LRRC4C: variants seen among roughly 807,000 people sequenced by gnomAD.
LRRC4C encodes the protein leucine rich repeat containing 4C.
LRRC4C carries 5 observed loss-of-function variants against 33.6 expected under a neutral mutation model. The ratio of observed to expected loss-of-function variants is 0.15; its 90% CI spans 0.08 to 0.31. The LOEUF (loss-of-function observed/expected upper bound fraction) is 0.31, where lower values mean the gene tolerates loss of function less well. Ranked by LOEUF, LRRC4C falls within the 10% of genes least tolerant of loss-of-function variation. LRRC4C has a pLI of 1.00. For missense variants in LRRC4C, 560 were observed against 796.7 expected, an observed-to-expected ratio of 0.70 and a Z score of 3.58; for synonymous variants, 329 against 302.0, an observed-to-expected ratio of 1.09 and a Z score of -0.93.
At chr11:40,355,413 G>A (rs1314680483) in intron 3 of LRRC4C, among the ~76,000 whole-genome samples, 1 of 152,118 alleles carries the variant, frequency 6.6e-6, no homozygotes, top group African/African-American at 2.4e-5. Flanking sequence ...TATAACCCTT[G>A]TAGCCTAAAC....
At chr11:40,686,459 C>T (rs1944958897) in intron 2 of LRRC4C, among the ~76,000 whole-genome samples, 1 of 151,902 alleles carries the variant, frequency 6.6e-6, no homozygotes, top group Non-Finnish European at 1.5e-5. Flanking sequence ...CTGATGCCTC[C>T]CATTACCCCG....
chr11:40,726,952 T>A (rs1285038983), intron 2 of LRRC4C, among the ~76,000 whole-genome samples: 1 of 152,178 alleles, frequency 6.6e-6, no homozygotes, highest in African/African-American at 2.4e-5. Context: ...AGCCTTTCTG[T>A]ACATCAATAA....
chr11:40,193,071 A>G (rs1861978009), intron 5 of LRRC4C, among the ~76,000 whole-genome samples: 1 of 152,192 alleles, frequency 6.6e-6, no homozygotes, highest in African/African-American at 2.4e-5. Context: ...TGAAGAGAGC[A>G]GAGGATCTCC....
intron 1 of LRRC4C, among the ~76,000 whole-genome samples, chr11:41,401,386 A>G (rs1196058507): frequency 6.6e-6 from 1 of 151,878 alleles, no homozygotes; most frequent in Non-Finnish European, 1.5e-5. Flanking sequence ...GAGGAAAAAA[A>G]TAAGAAATTT....
chr11:40,634,720 T>TAAAA (rs56122866), intron 3 of LRRC4C, among the ~76,000 whole-genome samples: 5,544 of 145,772 alleles, frequency 0.038, 342 homozygotes, highest in African/African-American at 0.13. Context: ...AATAAGAAAA[T>TAAAA]AAAAAAAAAA....
intron 2 of LRRC4C, among the ~76,000 whole-genome samples, chr11:40,738,405 A>T (rs1041561791): frequency 1.3e-5 from 2 of 152,050 alleles, no homozygotes; most frequent in Non-Finnish European, 2.9e-5. Flanking sequence ...ATATATTTCT[A>T]TCTCTTTCTA....
At chr11:40,575,954 A>C (rs2135593743) in intron 3 of LRRC4C, among the ~76,000 whole-genome samples, 1 of 152,318 alleles carries the variant, frequency 6.6e-6, no homozygotes, top group South Asian at 2.1e-4. Flanking sequence ...TTATAAAATT[A>C]TATCTCAATA....
At chr11:40,804,218 T>C (rs1226526361) in intron 2 of LRRC4C, among the ~76,000 whole-genome samples, 2 of 152,240 alleles carry the variant, frequency 1.3e-5, no homozygotes, top group East Asian at 1.9e-4. Context: ...TCCACATCCT[T>C]ACACCAATCT....
At chr11:41,061,745 T>C (rs1937782192) in intron 1 of LRRC4C, among the ~76,000 whole-genome samples, 1 of 152,194 alleles carries the variant, frequency 6.6e-6, no homozygotes, top group African/African-American at 2.4e-5. Context: ...TAGAAAGTAG[T>C]GTGAGGTGAG....
intron 1 of LRRC4C, among the ~76,000 whole-genome samples, chr11:41,326,681 G>A (rs957597631): frequency 6.6e-6 from 1 of 152,162 alleles, no homozygotes; most frequent in East Asian, 1.9e-4. Flanking sequence ...ATGATACACA[G>A]CAAGATACAG....
intron 1 of LRRC4C, among the ~76,000 whole-genome samples, chr11:41,155,070 T>G (rs541952174): frequency 1.2e-4 from 19 of 152,140 alleles, no homozygotes; most frequent in Non-Finnish European, 2.8e-4. Flanking sequence ...AATGGTAATT[T>G]CCAATGCGTT....
chr11:40,936,544 G>A (rs915797323), intron 1 of LRRC4C, among the ~76,000 whole-genome samples: 1 of 151,554 alleles, frequency 6.6e-6, no homozygotes, highest in Non-Finnish European at 1.5e-5. Context: ...CACCATGTTC[G>A]CCAGGATGGT....
intron 3 of LRRC4C, among the ~76,000 whole-genome samples, chr11:40,334,437 C>A (rs558084504): frequency 3.3e-5 from 5 of 152,150 alleles, no homozygotes; most frequent in African/African-American, 9.6e-5. Flanking sequence ...ATTTTAAGAG[C>A]AGTCTACTTC....
Position 41,324,200 on chromosome 11 carries a change from G to A in LRRC4C, c.-496+135231C>T, listed in dbSNP as rs146334705. On this transcript the variant is annotated intron_variant, in intron 1 of 6. Transcript: ENST00000528697. ...AATCCCAGCACTTTGGGAGGCTGACGCGGGAGGATCACCTGAGGTCAGGAG... is the reference window on the plus strand; with the variant it reads ...AATCCCAGCACTTTGGGAGGCTGACACGGGAGGATCACCTGAGGTCAGGAG... Among the ~76,000 whole-genome samples the A allele has an allele frequency of 1.8e-3, 272 of 152,258 alleles. 1 individual carries two copies. The Middle Eastern group carries it at 0.02, about 11-fold the overall frequency.
At chr11:41,069,572 C>G (rs1041512557) in intron 1 of LRRC4C, among the ~76,000 whole-genome samples, 1 of 152,168 alleles carries the variant, frequency 6.6e-6, no homozygotes, top group African/African-American at 2.4e-5. Flanking sequence ...AACAAAGTCT[C>G]AGGATATGAA....
chr11:40,513,085 T>C (rs1320073893), intron 3 of LRRC4C, among the ~76,000 whole-genome samples: 2 of 151,232 alleles, frequency 1.3e-5, no homozygotes, highest in Admixed American at 6.6e-5. Context: ...CCGTCTCTAC[T>C]ACAAATACAA....
intron 5 of LRRC4C, among the ~76,000 whole-genome samples, chr11:40,162,145 G>T: frequency 6.7e-6 from 1 of 150,156 alleles, no homozygotes; most frequent in Non-Finnish European, 1.5e-5. Flanking sequence ...TCATTGTCTG[G>T]AAAACTGGTT....
Position 40,791,429 on chromosome 11 carries a change from A to G in LRRC4C, c.-407+142206T>C, listed in dbSNP as rs538529558. Among the ~76,000 whole-genome samples the G allele has an allele frequency of 5.3e-5, 8 of 152,286 alleles. No homozygotes were observed. The East Asian group carries it at 1.4e-3, about 26-fold the overall frequency. ...GTGTAGAAAAAGTAATGAACAAGGA[A>G]TAGGGAGGCTGAAAATTGATAATCT... On this transcript the variant is annotated intron_variant, in intron 2 of 6. Transcript: ENST00000528697.
At chr11:40,816,918 G>T (rs554603179) in intron 2 of LRRC4C, among the ~76,000 whole-genome samples, 1 of 152,182 alleles carries the variant, frequency 6.6e-6, no homozygotes, top group South Asian at 2.1e-4. Flanking sequence ...AAGACTTGTG[G>T]TCCTATCACA....
Sources: gnomAD v4.1 joint callset for allele counts (sites outside exome capture counted in the v4.1 genomes callset) on GRCh38, gnomAD v4.1.1 for gene constraint, MANE v1.5 for transcripts, NCBI Gene and HGNC (gene_info 2026-07-23, HGNC 2026-07-21) for gene names.